The following PRRT3 variants were observed in gnomAD, a reference collection of about 807,000 sequenced individuals.
PRRT3 encodes proline-rich transmembrane protein 3.
In PRRT3, 48 loss-of-function variants were observed where a neutral mutation model predicts 56.6. The ratio of observed to expected loss-of-function variants is 0.85; its 90% CI spans 0.67 to 1.08. The LOEUF (loss-of-function observed/expected upper bound fraction) is 1.08, where lower values mean the gene tolerates loss of function less well. Among genes scored for constraint, PRRT3 ranks in the 50% least tolerant of loss-of-function variants. PRRT3 has a pLI of 0.00. For missense variants in PRRT3, 1,370 were observed against 1,353.1 expected (o/e 1.01, Z -0.20); for synonymous variants, 641 against 619.1 (o/e 1.04, Z -0.52).
chr3:9,949,889 CG>C lies in PRRT3; in HGVS notation c.226del (p.Arg76AlafsTer13). ...RADSHRNSDVRHAPAEEMPEK... is the reference protein window; with the variant it reads ...RADSHRNSDVXHAPAEEMPEK... ...AGGCATCTCTTCAGCAGGGGCGTGGCGGACATCAGAGTTCCTGTGACTGTCA... is the reference window on the plus strand; with the variant it reads ...AGGCATCTCTTCAGCAGGGGCGTGGCGACATCAGAGTTCCTGTGACTGTCA... On this transcript the variant is annotated frameshift_variant, in exon 2 of 4. Transcript: ENST00000412055. LOFTEE classifies it high-confidence loss of function. This position sits in a 1 kb window ranked among gnomAD's most constrained non-coding sequence, Gnocchi z 4.5. 6.2e-7 allele frequency: 1 copy of C among 1,613,194 alleles called. No homozygotes were observed. Among genetic ancestry groups the C allele is most frequent in the Non-Finnish European group, 8.5e-7 (1 of 1,179,444 alleles).
At position 9,946,863 on chromosome 3, in the gene PRRT3, G is replaced by A. The variant is rs781085673; in HGVS notation, c.2310C>T (p.Gly770=). Residue 770 remains glycine (G), a synonymous_variant, in exon 4 of 4, where the codon GGC becomes GGT. Transcript: ENST00000412055. The surrounding 1 kb of genome is among the most constrained non-coding windows in gnomAD (Gnocchi z 4.1). The part of the protein sequence containing the change: ...ESGQLATPSS[G]AWGSAASLGR... ...CCAACGACGCAGCCGAGCCCCAGGC[G>A]CCTGAACTGGGCGTGGCCAGCTGCC... is the stretch of plus-strand genomic sequence containing the variant. 12 of 1,539,442 alleles carry A rather than the reference G, an allele frequency of 7.8e-6. No homozygotes were observed. In the African/African-American group the frequency reaches 1.4e-4, roughly 17 times the overall value.
Position 9,947,620 on chromosome 3 carries a change from G to C in PRRT3, c.1553C>G (p.Ser518Cys). 6.3e-7 allele frequency: 1 copy of C among 1,586,406 alleles called. No individual in the cohort carries two copies. The highest frequency in any genetic ancestry group is 8.6e-7 in the Non-Finnish European group (1 of 1,166,000). The change falls in exon 4 of 4, where the codon TCC becomes TGC. Residue 518 changes from serine to cysteine, a missense_variant. Ser to Cys is a moderately radical substitution (Grantham distance 112). Coordinates refer to ENST00000412055, the MANE Select transcript of PRRT3 (RefSeq NM_207351.5). This position sits in a 1 kb window ranked among gnomAD's most constrained non-coding sequence, Gnocchi z 9.2. ...VLVLVASALR[S>C]AYMLTDPYGS... ...GTAAGGGTCGGTAAGCATGTAGGCG[G>C]ATCGCAGCGCCGAAGCCACGAGCAC...
In PRRT3 at chr3:9,946,095, C is replaced by G. The variant is rs2085512261; in HGVS notation, c.*132G>C. 7.2e-7 allele frequency: 1 copy of G among 1,387,684 alleles called. No individual in the cohort carries two copies. Among genetic ancestry groups the G allele is most frequent in the African/African-American group, 1.5e-5 (1 of 67,472 alleles). 86.0% of individuals were successfully genotyped at this position (1,387,684 alleles called of 1,614,324 possible). A position where few individuals can be genotyped will look rare whatever the true frequency, so the allele number is the denominator to read the frequency against. On this transcript the variant is annotated 3_prime_UTR_variant, in exon 4 of 4. Coordinates refer to ENST00000412055, the MANE Select transcript of PRRT3 (RefSeq NM_207351.5). The surrounding 1 kb of genome is among the most constrained non-coding windows in gnomAD (Gnocchi z 4.1). ...TCGTGTTCCACCCACCTCGGCCTCC[C>G]AAAGTGCTGGGATTCCTGGCGTGAG...
chr3:9,950,891 T>C (rs1248278961), intron 1 of PRRT3, among the ~76,000 whole-genome samples: 2 of 152,126 alleles, frequency 1.3e-5, no homozygotes, highest in African/African-American at 4.8e-5. Flanking sequence ...GGGGCCTGAG[T>C]TTGAATCCCA....
In PRRT3 at chr3:9,949,086, C is replaced by T. The variant is rs780065355; in HGVS notation, c.1015+15G>A. 1 of 1,581,214 alleles carries T rather than the reference C, an allele frequency of 6.3e-7. No homozygotes were observed. The highest frequency in any genetic ancestry group is 1.9e-5 in the Admixed American group (1 of 53,612). ...CTGCCCCAGAACATCGCTCAGCACACTCATTGATACCCACCTGGCTTAGAC... is the reference window on the plus strand; with the variant it reads ...CTGCCCCAGAACATCGCTCAGCACATTCATTGATACCCACCTGGCTTAGAC... On this transcript the variant is annotated intron_variant, in intron 2 of 3. Coordinates refer to ENST00000412055, the MANE Select transcript of PRRT3 (RefSeq NM_207351.5). The surrounding 1 kb of genome is among the most constrained non-coding windows in gnomAD (Gnocchi z 4.5).
In PRRT3 at chr3:9,946,193, G is replaced by T. The variant is rs763275610; in HGVS notation, c.*34C>A. 1 of 1,590,286 alleles carries T rather than the reference G, an allele frequency of 6.3e-7. No homozygotes were observed. The highest frequency in any genetic ancestry group is 1.1e-5 in the South Asian group (1 of 89,126). ...CAGTAGGCCATGCCATGTGGGCATC[G>T]GGCAGGGTCCTGGCCCTGCGTCAGG... is the stretch of plus-strand genomic sequence containing the variant. On this transcript the variant is annotated 3_prime_UTR_variant, in exon 4 of 4. Transcript: ENST00000412055. This position sits in a 1 kb window ranked among gnomAD's most constrained non-coding sequence, Gnocchi z 4.1.
rs1362071019 is a variant in PRRT3 at position 9,949,585 on chromosome 3, T to C, written c.531A>G (p.Gln177=). The C allele has an allele frequency of 3.7e-6, 6 of 1,614,026 alleles. No individual in the cohort carries two copies. Among genetic ancestry groups the C allele is most frequent in the East Asian group, 2.2e-5 (1 of 44,886 alleles). The change falls in exon 2 of 4, where the codon CAA becomes CAG. Residue 177 remains glutamine (Q), a synonymous_variant. Transcript: ENST00000412055. This position sits in a 1 kb window ranked among gnomAD's most constrained non-coding sequence, Gnocchi z 4.5. The part of the protein sequence containing the change: ...TVPPSLQHEG[Q]EGQWPPRDEG... ...CATCTCTAGGTGGCCACTGTCCCTC[T>C]TGGCCTTCATGCTGCAGGGAGGGAG...
chr3:9,947,248 A>G lies in PRRT3; in HGVS notation c.1925T>C (p.Val642Ala). Residue 642 changes from valine to alanine, a missense_variant, in exon 4 of 4, where the codon GTG (valine) becomes GCG (alanine). Physicochemically the swap from Val to Ala is moderately conservative, Grantham distance 64. Transcript: ENST00000412055. The surrounding 1 kb of genome is among the most constrained non-coding windows in gnomAD (Gnocchi z 9.2). ...DASPGPRLLAVAGALGLLASG... is the reference protein window; with the variant it reads ...DASPGPRLLAAAGALGLLASG... ...AGCCAGCAGCCCCAGCGCGCCCGCC[A>G]CAGCCAACAGCCGAGGGCCCGGGCT... 1 of 1,500,970 alleles carries G rather than the reference A, an allele frequency of 6.7e-7. No homozygotes were observed. The highest frequency in any genetic ancestry group is 2.6e-5 in the East Asian group (1 of 38,350). 93.0% of individuals were successfully genotyped at this position (1,500,970 alleles called of 1,614,324 possible).
chr3:9,950,754 T>C (rs2085609240), intron 1 of PRRT3, among the ~76,000 whole-genome samples: 1 of 152,220 alleles, frequency 6.6e-6, no homozygotes, highest in African/African-American at 2.4e-5. Flanking sequence ...CTGCCCATCT[T>C]GGCCTCCTAA....
Position 9,949,412 on chromosome 3 carries a change from T to G in PRRT3, c.704A>C (p.Glu235Ala). Reference sequence around the variant, plus strand: ...GGTGAAGTGGGGACCTTGAGCTGCCTCCTGCAAGTGTTCCTCAAACCCACC... The same window carrying G: ...GGTGAAGTGGGGACCTTGAGCTGCCGCCTGCAAGTGTTCCTCAAACCCACC... ...GQGGFEEHLQ[E>A]AAQGPHFTQQ... Residue 235 changes from glutamate to alanine, a missense_variant, in exon 2 of 4, where the codon GAG becomes GCG. Physicochemically the swap from Glu to Ala is moderately radical, Grantham distance 107. Transcript: ENST00000412055. The surrounding 1 kb of genome is among the most constrained non-coding windows in gnomAD (Gnocchi z 4.5). The G allele has an allele frequency of 6.2e-7, 1 of 1,614,118 alleles. No individual in the cohort carries two copies. The highest frequency in any genetic ancestry group is 1.1e-5 in the South Asian group (1 of 91,078).
rs1172594447 is a variant in PRRT3, at chr3:9,945,765, G to A, written c.*462C>T. On this transcript the variant is annotated 3_prime_UTR_variant, in exon 4 of 4. Transcript: ENST00000412055. ...AAAAAACGGCATGGGGGTGGGGTGA[G>A]TTCAAACCTGGCTGTCCCCCGGGGG... 2 of 152,204 alleles carry A rather than the reference G, an allele frequency of 1.3e-5. No homozygotes were observed. Among genetic ancestry groups the A allele is most frequent in the African/African-American group, 2.5e-5 (1 of 40,720 alleles). 9.4% of individuals were successfully genotyped at this position (152,204 alleles called of 1,614,324 possible).
rs1258368235 is a variant in PRRT3, at chr3:9,947,526, A to C, written c.1647T>G (p.Leu549=). The C allele has an allele frequency of 1.2e-6, 2 of 1,611,578 alleles. No individual in the cohort carries two copies. Among genetic ancestry groups the C allele is most frequent in the South Asian group, 1.1e-5 (1 of 91,012 alleles). ...GCAGAGTCAGGGCTGCCAGCGCCGTAAGCAGCAAGGGGAAGGGCAGGTTGT... is the reference window on the plus strand; with the variant it reads ...GCAGAGTCAGGGCTGCCAGCGCCGTCAGCAGCAAGGGGAAGGGCAGGTTGT... The part of the protein sequence containing the change: ...VLYNLPFPLL[L]TALAALTLLG... Residue 549 remains leucine (L), a synonymous_variant, in exon 4 of 4, where the codon CTT becomes CTG. Coordinates refer to ENST00000412055, the MANE Select transcript of PRRT3 (RefSeq NM_207351.5). This position sits in a 1 kb window ranked among gnomAD's most constrained non-coding sequence, Gnocchi z 9.2.
intron 1 of PRRT3, among the ~76,000 whole-genome samples, chr3:9,951,587 T>G (rs889831239): frequency 6.6e-6 from 1 of 152,204 alleles, no homozygotes; most frequent in African/African-American, 2.4e-5. Context: ...CTAGGCTAGG[T>G]GCTGGGGGCC....
chr3:9,949,031 C>A lies in PRRT3; in HGVS notation c.1015+70G>T. 2 of 1,523,040 alleles carry A rather than the reference C, an allele frequency of 1.3e-6. No homozygotes were observed. The highest frequency in any genetic ancestry group is 1.8e-6 in the Non-Finnish European group (2 of 1,140,570). 94.3% of individuals were successfully genotyped at this position (1,523,040 alleles called of 1,614,324 possible). On this transcript the variant is annotated intron_variant, in intron 2 of 3. Transcript: ENST00000412055. The surrounding 1 kb of genome is among the most constrained non-coding windows in gnomAD (Gnocchi z 4.5). ...AAGAGGAAAATGAGACCTAGAGGGA[C>A]CCAGGGTCAAACAGAATTGAGGCAT...
intron 1 of PRRT3, among the ~76,000 whole-genome samples, chr3:9,951,302 C>A (rs1455968872): frequency 6.6e-6 from 1 of 152,130 alleles, no homozygotes; most frequent in African/African-American, 2.4e-5. Flanking sequence ...GTGTGTTTGG[C>A]GGCAGAGGCC....
Position 9,949,336 on chromosome 3 carries a change from C to T in PRRT3, c.780G>A (p.Val260=), listed in dbSNP as rs142145967. The stretch of plus-strand genomic sequence containing the variant: ...GGGCCCCTGGCTCCTGAGAGTACAC[C>T]ACCTCAACTGGGGGTACTGAGCCAA... ...PDVGSVPPVE[V]VYSQEPGAQP... Residue 260 remains valine (V), a synonymous_variant, in exon 2 of 4, where the codon GTG becomes GTA. Coordinates refer to ENST00000412055, the MANE Select transcript of PRRT3 (RefSeq NM_207351.5). The surrounding 1 kb of genome is among the most constrained non-coding windows in gnomAD (Gnocchi z 4.5). The T allele has an allele frequency of 6.2e-7, 1 of 1,614,116 alleles. No individual in the cohort carries two copies. Among genetic ancestry groups the T allele is most frequent in the East Asian group, 2.2e-5 (1 of 44,886 alleles).
Position 9,947,166 on chromosome 3 carries a change from G to A in PRRT3, c.2007C>T (p.Gly669=). The change falls in exon 4 of 4, where the codon GGC becomes GGT. Residue 669 remains glycine, a synonymous_variant. Transcript: ENST00000412055. The surrounding 1 kb of genome is among the most constrained non-coding windows in gnomAD (Gnocchi z 9.2). ...LWLYPGPGRV[G]RFSWAWWGVH... ...CACCCCACCAGGCCCACGAGAAGCG[G>A]CCCACGCGGCCTGGGCCCGGGTACA... 6.5e-7 allele frequency: 1 copy of A among 1,533,918 alleles called. No individual in the cohort carries two copies. Among genetic ancestry groups the A allele is most frequent in the Non-Finnish European group, 8.7e-7 (1 of 1,145,850 alleles).
chr3:9,948,685 A>C, intron 3 of PRRT3, 73 bp downstream of exon 3: 4 of 1,564,412 alleles, frequency 2.6e-6, no homozygotes, highest in Non-Finnish European at 2.6e-6. Flanking sequence ...CTCCGCCCCC[A>C]TACATCCCCA....
chr3:9,950,752 C>G (rs1470289321), intron 1 of PRRT3, among the ~76,000 whole-genome samples: 1 of 152,232 alleles, frequency 6.6e-6, no homozygotes, highest in Non-Finnish European at 1.5e-5. Context: ...ATCTGCCCAT[C>G]TTGGCCTCCT....
Sources: gnomAD v4.1 joint callset for allele counts (sites outside exome capture counted in the v4.1 genomes callset) on GRCh38, gnomAD v4.1.1 for gene constraint, Gnocchi (gnomAD v3.1) non-coding constraint, MANE v1.5 for transcripts, NCBI Gene and HGNC (gene_info 2026-07-23, HGNC 2026-07-21) for gene names.